The following SSUH2 variants were observed in gnomAD, a reference collection of about 807,000 sequenced individuals.
SSUH2 encodes ssu-2 homolog, also known as protein SSUH2 homolog.
Under a neutral mutation model 55.3 loss-of-function variants are expected in SSUH2, and 47 were observed. The observed-to-expected ratio is 0.85, with a 90% CI of 0.67 to 1.08. The LOEUF is 1.08. Among genes scored for constraint, SSUH2 ranks in the 50% least tolerant of loss-of-function variants. The probability of loss-of-function intolerance (pLI) is 0.00; values close to 1 mark genes in which losing one functional copy is unlikely to be tolerated. For synonymous variants in SSUH2, 212 were observed against 191.5 expected (o/e 1.11, Z -0.89); for missense variants, 535 against 490.7 (o/e 1.09, Z -0.85).
At chr3:8,622,680 T>C (rs1696683189) in intron 11 of SSUH2, among the ~76,000 whole-genome samples, 1 of 152,162 alleles carries the variant, frequency 6.6e-6, no homozygotes, top group Non-Finnish European at 1.5e-5. Context: ...TTCATGTAGA[T>C]AAAAATGCAT....
At chr3:8,640,587 T>C (rs1330773420) in intron 1 of SSUH2, among the ~76,000 whole-genome samples, 1 of 151,252 alleles carries the variant, frequency 6.6e-6, no homozygotes, top group Non-Finnish European at 1.5e-5. Context: ...CAGCTAACTG[T>C]GGAAGACGGC....
chr3:8,645,738 A>G (rs915092128), upstream of SSUH2, among the ~76,000 whole-genome samples: 4 of 152,174 alleles, frequency 2.6e-5, no homozygotes, highest in East Asian at 7.7e-4. Flanking sequence ...GGGAAGCATC[A>G]GGACTATTTT....
intron 3 of SSUH2, among the ~76,000 whole-genome samples, chr3:8,677,018 A>G (rs1294625993): frequency 7.2e-6 from 1 of 139,490 alleles, no homozygotes; most frequent in Non-Finnish European, 1.5e-5. Flanking sequence ...TGAGACCTCC[A>G]TCGCGGTGGG....
chr3:8,679,290 G>A (rs555220451), intron 2 of SSUH2, among the ~76,000 whole-genome samples: 826 of 77,402 alleles, frequency 0.011, 174 homozygotes, highest in African/African-American at 0.033. Context: ...CGGAGGGGGG[G>A]AGCCACCCCC....
intron 1 of SSUH2, chr3:8,640,025 G>A: frequency 2.0e-6 from 2 of 985,266 alleles, no homozygotes; most frequent in Non-Finnish European, 2.4e-6. Flanking sequence ...AAAGATTCAG[G>A]TGGTCAAACT....
intron 3 of SSUH2, among the ~76,000 whole-genome samples, chr3:8,676,163 T>A (rs1214369977): frequency 2.0e-5 from 3 of 152,076 alleles, no homozygotes; most frequent in African/African-American, 7.2e-5. Context: ...GTGAGTAATA[T>A]CATCTCCCCC....
intron 3 of SSUH2, chr3:8,634,703 G>T: frequency 1.5e-6 from 1 of 656,794 alleles, no homozygotes; most frequent in Non-Finnish European, 2.4e-6. Context: ...GGCAGCAGCA[G>T]GGCCAGAAGC....
At chr3:8,633,904 G>T in intron 3 of SSUH2, 109 bp from the exon 4 acceptor site, 1 of 1,613,990 alleles carries the variant, frequency 6.2e-7, no homozygotes, top group Non-Finnish European at 8.5e-7. Flanking sequence ...CCACGGTAGT[G>T]GTAAAGCCCT....
chr3:8,675,867 C>A (rs139184758), intron 3 of SSUH2, among the ~76,000 whole-genome samples: 3 of 152,116 alleles, frequency 2.0e-5, no homozygotes, highest in African/African-American at 4.8e-5. Flanking sequence ...CCATTGTATG[C>A]GTCACAGAGA....
Position 8,678,834 on chromosome 3 carries a change from G to A in SSUH2, c.-901+871C>T, listed in dbSNP as rs1316495289. Among the ~76,000 whole-genome samples the A allele has an allele frequency of 1.7e-5, 2 of 115,046 alleles. 1 individual carries two copies. The highest frequency in any genetic ancestry group is 4.0e-5 in the Non-Finnish European group (2 of 49,924). The allele number at this position is 115,046 out of a possible 152,430, so 75.5% of individuals were successfully genotyped here. A position where few individuals can be genotyped will look rare whatever the true frequency, so the allele number is the denominator to read the frequency against. Reference sequence around the variant, plus strand: ...GAGGAGGCGGCACTCCCCACGAGGCGGGGACTGAGAACCAATCCCTCTTCC... The same window carrying A: ...GAGGAGGCGGCACTCCCCACGAGGCAGGGACTGAGAACCAATCCCTCTTCC... On this transcript the variant is annotated intron_variant, in intron 2 of 18. Transcript: ENST00000317371.
chr3:8,675,838 G>A lies in SSUH2; in HGVS notation c.-753+1368C>T, dbSNP rs182149080. On this transcript the variant is annotated intron_variant, in intron 3 of 18. Transcript: ENST00000317371. ...TGGCAGCCCCAGCCCTGGGGCTACCGGATCTGACAAAGCCTTTTCCATTGT... is the reference window on the plus strand; with the variant it reads ...TGGCAGCCCCAGCCCTGGGGCTACCAGATCTGACAAAGCCTTTTCCATTGT... Among the ~76,000 whole-genome samples the A allele has an allele frequency of 4.6e-5, 7 of 152,206 alleles. 1 individual carries two copies. Among genetic ancestry groups the A allele is most frequent in the South Asian group, 2.1e-4 (1 of 4,802 alleles).
chr3:8,645,506 C>T (rs765237738), upstream of SSUH2, among the ~76,000 whole-genome samples: 1 of 152,216 alleles, frequency 6.6e-6, no homozygotes, highest in Non-Finnish European at 1.5e-5. Context: ...AGATCATCCT[C>T]CTCTGCATGA....
chr3:8,622,460 T>C (rs551093983), intron 11 of SSUH2, among the ~76,000 whole-genome samples: 1 of 152,128 alleles, frequency 6.6e-6, no homozygotes, highest in African/African-American at 2.4e-5. Flanking sequence ...TGCCAAAATA[T>C]TGAAAAACTA....
At chr3:8,633,540 A>G in intron 4 of SSUH2, 126 bp downstream of exon 4, 2 of 687,518 alleles carry the variant, frequency 2.9e-6, no homozygotes, top group Non-Finnish European at 4.5e-6. Flanking sequence ...CACCGCTCAC[A>G]CTCAAACACA....
At chr3:8,629,633 C>CTGACTCAACAGTGGTTCACAGA in intron 7 of SSUH2, 31 bp downstream of exon 7, 1 of 1,587,726 alleles carries the variant, frequency 6.3e-7, no homozygotes, top group Non-Finnish European at 8.6e-7. Context: ...CACACCCTCA[C>CTGACTCAACAGTGGTTCACAGA]TGACTCACCA....
intron 1 of SSUH2, among the ~76,000 whole-genome samples, chr3:8,640,944 A>G (rs989346583): frequency 6.6e-6 from 1 of 152,238 alleles, no homozygotes. Flanking sequence ...GCTTCTTAGA[A>G]AGTGCTGTCA....
chr3:8,633,558 C>A (rs1411263329), intron 4 of SSUH2, 108 bp downstream of exon 4: 1 of 879,672 alleles, frequency 1.1e-6, no homozygotes, highest in East Asian at 2.8e-5. Context: ...ACACTGCCCC[C>A]AGGACTCCTT....
chr3:8,641,065 G>C (rs1420035194), intron 1 of SSUH2, among the ~76,000 whole-genome samples: 1 of 152,126 alleles, frequency 6.6e-6, no homozygotes, highest in Non-Finnish European at 1.5e-5. Flanking sequence ...CCCAGCCCTG[G>C]CTGGGGCTGG....
chr3:8,664,733 G>C (rs1703827517), intron 5 of SSUH2, among the ~76,000 whole-genome samples: 1 of 152,152 alleles, frequency 6.6e-6, no homozygotes, highest in South Asian at 2.1e-4. Flanking sequence ...CTTCCAACGG[G>C]CCCTTGGCCC....
Sources: gnomAD v4.1 joint callset for allele counts (sites outside exome capture counted in the v4.1 genomes callset) on GRCh38, gnomAD v4.1.1 for gene constraint, MANE v1.5 for transcripts, NCBI Gene and HGNC (gene_info 2026-07-23, HGNC 2026-07-21) for gene names.